The following WDR12 variants were observed in gnomAD, a reference collection of about 807,000 sequenced individuals.
The protein encoded by WDR12 is ribosome biogenesis protein WDR12.
A neutral mutation model predicts 64.3 loss-of-function variants in WDR12; 42 were observed. That is an observed-to-expected ratio of 0.65 (90% CI 0.51 to 0.84). The LOEUF (loss-of-function observed/expected upper bound fraction) is 0.84, where lower values mean the gene tolerates loss of function less well. WDR12 is among the 40% of genes least tolerant of loss of function. The pLI, the probability that WDR12 is intolerant of heterozygous loss-of-function variation, is 0.00. For missense variants in WDR12, 469 were observed against 494.6 expected (o/e 0.95, Z 0.49); for synonymous variants, 158 against 173.3 (o/e 0.91, Z 0.70).
intron 6 of WDR12, chr2:202,894,843 T>A (rs1183584126): frequency 2.4e-6 from 1 of 417,512 alleles, no homozygotes; most frequent in African/African-American, 2.1e-5. Context: ...AAAGCCAATC[T>A]GAAGTGAGAG....
Position 202,880,138 on chromosome 2 carries a change from C to A in WDR12, c.*722G>T, listed in dbSNP as rs1055740892. On this transcript the variant is annotated 3_prime_UTR_variant, in exon 13 of 13. Transcript: ENST00000261015. ...TGAATTTCTAACTTTTTCTCTATTA[C>A]AATTTTCATTAATCTTTTTGAATGC... The A allele has an allele frequency of 6.6e-6, 1 of 152,142 alleles. No individual in the cohort carries two copies. Among genetic ancestry groups the A allele is most frequent in the African/African-American group, 2.4e-5 (1 of 41,422 alleles). 9.4% of individuals were successfully genotyped at this position (152,142 alleles called of 1,614,324 possible).
chr2:202,910,359 C>A (rs1450508538), intron 1 of WDR12, among the ~76,000 whole-genome samples: 1 of 152,042 alleles, frequency 6.6e-6, no homozygotes, highest in African/African-American at 2.4e-5. Flanking sequence ...CCTGTCTCTA[C>A]TAAAAATACA....
intron 4 of WDR12, among the ~76,000 whole-genome samples, chr2:202,898,419 G>A (rs938775751): frequency 6.6e-6 from 1 of 152,236 alleles, no homozygotes. Context: ...CCAAAGTGCT[G>A]TGATTACAGG....
At chr2:202,905,858 T>TACCAGA (rs1297376083) in intron 2 of WDR12, among the ~76,000 whole-genome samples, 1 of 152,190 alleles carries the variant, frequency 6.6e-6, no homozygotes, top group East Asian at 1.9e-4. Context: ...GAAGGAGAGT[T>TACCAGA]ACCAGACACT....
At chr2:202,883,895 C>T (rs1687999284) in intron 10 of WDR12, among the ~76,000 whole-genome samples, 154 bp from the exon 11 acceptor site, 1 of 152,124 alleles carries the variant, frequency 6.6e-6, no homozygotes, top group Non-Finnish European at 1.5e-5. Flanking sequence ...TCACTGCAAC[C>T]TCTGCCTCTG....
chr2:202,892,106 T>G (rs1439697784), intron 8 of WDR12, among the ~76,000 whole-genome samples: 2 of 152,242 alleles, frequency 1.3e-5, no homozygotes, highest in African/African-American at 2.4e-5. Context: ...ATCAATTAAG[T>G]ATTTTTAAAA....
intron 6 of WDR12, 148 bp downstream of exon 6, chr2:202,895,917 G>A (rs1688233874): frequency 1.2e-6 from 1 of 806,588 alleles, no homozygotes; most frequent in East Asian, 2.7e-5. Flanking sequence ...CCTATTGTAT[G>A]AGTATTTACT....
At position 202,905,238 on chromosome 2, in the gene WDR12, C is replaced by T. The variant is rs184908966; in HGVS notation, c.136+2627G>A. On this transcript the variant is annotated intron_variant, in intron 2 of 12. Transcript: ENST00000261015. ...TCGGCTCACTACAACTTCCGCCTCCCGGGTTCAAGCAATTCTCCTGCTTCA... is the reference window on the plus strand; with the variant it reads ...TCGGCTCACTACAACTTCCGCCTCCTGGGTTCAAGCAATTCTCCTGCTTCA... Among the ~76,000 whole-genome samples the T allele has an allele frequency of 2.6e-5, 4 of 152,294 alleles. No homozygotes were observed. In the East Asian group the frequency reaches 5.8e-4, roughly 22 times the overall value.
chr2:202,892,157 T>C (rs79936740), intron 8 of WDR12, among the ~76,000 whole-genome samples: 5,957 of 152,306 alleles, frequency 0.039, 376 homozygotes, highest in African/African-American at 0.13. Context: ...TTTGACTTAA[T>C]GGAATCTAAC....
At chr2:202,902,786 TGA>T (rs1183319267) in intron 2 of WDR12, among the ~76,000 whole-genome samples, 2 of 152,176 alleles carry the variant, frequency 1.3e-5, no homozygotes, top group African/African-American at 4.8e-5. Context: ...TGTGATCGTG[TGA>T]GTCAATACTC....
chr2:202,910,060 T>A (rs542975354), intron 1 of WDR12, among the ~76,000 whole-genome samples: 31 of 152,280 alleles, frequency 2.0e-4, no homozygotes, highest in Admixed American at 7.2e-4. Context: ...CCTCCCAGAC[T>A]GTTGGGATTA....
chr2:202,894,283 C>T (rs2105907272), intron 7 of WDR12, among the ~76,000 whole-genome samples: 1 of 151,878 alleles, frequency 6.6e-6, no homozygotes. Context: ...GGCATGGTAT[C>T]ATAGCTCACT....
At chr2:202,887,923 A>T (rs1346072989) in intron 8 of WDR12, among the ~76,000 whole-genome samples, 1 of 151,406 alleles carries the variant, frequency 6.6e-6, no homozygotes. Flanking sequence ...AGAAAATGAC[A>T]TGGTAAAAAC....
chr2:202,895,864 T>C (rs1304935082), intron 6 of WDR12: 12 of 532,802 alleles, frequency 2.3e-5, no homozygotes, highest in Non-Finnish European at 2.5e-5. Flanking sequence ...GGAGTTTATA[T>C]AAGGTTCTAA....
chr2:202,909,313 A>T lies in WDR12; in HGVS notation c.42-1354T>A, dbSNP rs542831639. On this transcript the variant is annotated intron_variant, in intron 1 of 12. Coordinates refer to ENST00000261015, the MANE Select transcript of WDR12 (RefSeq NM_018256.4). ...TGCCCACCAGCTGATGAATGGAAAAATATGGTACCTCCATTCAATGGCCTA... is the reference window on the plus strand; with the variant it reads ...TGCCCACCAGCTGATGAATGGAAAATTATGGTACCTCCATTCAATGGCCTA... Among the ~76,000 whole-genome samples, 7 of 152,370 alleles carry T rather than the reference A, an allele frequency of 4.6e-5. No homozygotes were observed. In the South Asian group the frequency reaches 1.4e-3, roughly 32 times the overall value.
intron 1 of WDR12, among the ~76,000 whole-genome samples, chr2:202,908,175 C>T (rs887854143): frequency 6.6e-6 from 1 of 152,048 alleles, no homozygotes; most frequent in African/African-American, 2.4e-5. Context: ...AAGAACAATG[C>T]CATTAGGTGA....
chr2:202,887,534 A>C (rs1688069050), intron 8 of WDR12, among the ~76,000 whole-genome samples: 1 of 152,200 alleles, frequency 6.6e-6, no homozygotes, highest in African/African-American at 2.4e-5. Context: ...ACAATCTCTG[A>C]TGTCATCTAA....
intron 4 of WDR12, among the ~76,000 whole-genome samples, chr2:202,898,414 G>A (rs1421849853): frequency 6.6e-6 from 1 of 152,228 alleles, no homozygotes; most frequent in African/African-American, 2.4e-5. Flanking sequence ...GGCTCCCAAA[G>A]TGCTGTGATT....
intron 8 of WDR12, among the ~76,000 whole-genome samples, chr2:202,887,829 A>G (rs1688075935): frequency 6.7e-6 from 1 of 148,306 alleles, no homozygotes. Context: ...CGGAGCTTGC[A>G]GTGAGCCGAG....
Sources: gnomAD v4.1 joint callset for allele counts (sites outside exome capture counted in the v4.1 genomes callset) on GRCh38, gnomAD v4.1.1 for gene constraint, MANE v1.5 for transcripts, NCBI Gene and HGNC (gene_info 2026-07-23, HGNC 2026-07-21) for gene names.